SLC16A9: variants seen among roughly 807,000 people sequenced by gnomAD.
The protein encoded by SLC16A9 is monocarboxylate transporter 9.
In SLC16A9, 26 loss-of-function variants were observed where a neutral mutation model predicts 44.3. The observed-to-expected ratio is 0.59, with a 90% confidence interval of 0.43 to 0.81. The LOEUF (loss-of-function observed/expected upper bound fraction) is 0.81, where lower values mean the gene tolerates loss of function less well. Among genes scored for constraint, SLC16A9 ranks in the 40% least tolerant of loss-of-function variants. The pLI is 0.00. For missense variants in SLC16A9, 559 were observed against 595.8 expected (o/e 0.94, Z 0.64); for synonymous variants, 230 against 225.1 (o/e 1.02, Z -0.19).
chr10:59,690,717 A>G (rs766320291), intron 1 of SLC16A9, among the ~76,000 whole-genome samples: 20 of 152,116 alleles, frequency 1.3e-4, no homozygotes, highest in Non-Finnish European at 2.8e-4. Context: ...TGTGTTTATA[A>G]CCACAAGAAA....
intron 1 of SLC16A9, 144 bp from the exon 2 acceptor site, chr10:59,684,471 T>A: frequency 2.2e-6 from 1 of 462,216 alleles, no homozygotes; most frequent in Non-Finnish European, 3.8e-6. Flanking sequence ...ATCACTGACA[T>A]AGCAAGTTAA....
chr10:59,696,721 G>C (rs1418561233), intron 1 of SLC16A9, among the ~76,000 whole-genome samples: 1 of 151,098 alleles, frequency 6.6e-6, no homozygotes, highest in South Asian at 2.1e-4. Context: ...CTGCCGCCCC[G>C]TCTGGGATGT....
intron 1 of SLC16A9, among the ~76,000 whole-genome samples, chr10:59,705,721 T>C (rs1840623005): frequency 6.6e-6 from 1 of 152,200 alleles, no homozygotes; most frequent in South Asian, 2.1e-4. Flanking sequence ...ATTATTCTTT[T>C]ACTGATTGAA....
chr10:59,674,639 T>G (rs1164498046), intron 2 of SLC16A9, among the ~76,000 whole-genome samples: 1 of 152,218 alleles, frequency 6.6e-6, no homozygotes, highest in Non-Finnish European at 1.5e-5. Context: ...ATTTTACAAA[T>G]GAATGTCTGA....
At chr10:59,671,014 G>A (rs999818547) in intron 3 of SLC16A9, among the ~76,000 whole-genome samples, 2 of 152,074 alleles carry the variant, frequency 1.3e-5, no homozygotes, top group Non-Finnish European at 2.9e-5. Context: ...TTGTTATCTT[G>A]CTTGACATCA....
At chr10:59,706,770 C>G (rs534689709) in intron 1 of SLC16A9, among the ~76,000 whole-genome samples, 1 of 151,750 alleles carries the variant, frequency 6.6e-6, no homozygotes, top group Non-Finnish European at 1.5e-5. Context: ...GTCAGAAGTT[C>G]GAGACCAGCC....
At position 59,678,546 on chromosome 10, in the gene SLC16A9, C is replaced by CTTTTTTTTTTTTTTTTTTTTTTTT. The variant is rs751112027; in HGVS notation, c.196+5549_196+5550insAAAAAAAAAAAAAAAAAAAAAAAA. ...ATCTTTTTTTTTTCTTTTTCTTTTTCTTTTTTTTGAGACGGAGTCTCGCTC... is the reference window on the plus strand; with the variant it reads ...ATCTTTTTTTTTTCTTTTTCTTTTTCTTTTTTTTTTTTTTTTTTTTTTTTTTTTTTTTGAGACGGAGTCTCGCTC... On this transcript the variant is annotated intron_variant, in intron 2 of 5. Transcript: ENST00000395348. 5.6e-4 allele frequency among the ~76,000 whole-genome samples: 17 copies of CTTTTTTTTTTTTTTTTTTTTTTTT among 30,618 alleles called. 7 individuals carry two copies. Among genetic ancestry groups the CTTTTTTTTTTTTTTTTTTTTTTTT allele is most frequent in the Non-Finnish European group, 9.2e-4 (13 of 14,176 alleles). The allele number at this position is 30,618 out of a possible 152,430, so 20.1% of individuals were successfully genotyped here. A position where few individuals can be genotyped will look rare whatever the true frequency, so the allele number is the denominator to read the frequency against.
chr10:59,680,087 G>A (rs965209087), intron 2 of SLC16A9, among the ~76,000 whole-genome samples: 1 of 152,090 alleles, frequency 6.6e-6, no homozygotes, highest in African/African-American at 2.4e-5. Flanking sequence ...GAGACCCTAG[G>A]AATATATGTA....
intron 3 of SLC16A9, among the ~76,000 whole-genome samples, chr10:59,665,062 G>T (rs978049665): frequency 4.9e-5 from 7 of 143,514 alleles, no homozygotes; most frequent in African/African-American, 2.1e-4. Context: ...ACAAAAAAAA[G>T]TTACAACTAA....
At chr10:59,653,602 T>C (rs191965452) in intron 5 of SLC16A9, 73 bp downstream of exon 5, 533 of 1,296,280 alleles carry the variant, frequency 4.1e-4, no homozygotes, top group Non-Finnish European at 5.4e-4. Context: ...ACTATTACAA[T>C]CTGGACCTCT....
At chr10:59,697,005 C>A (rs1201601129) in intron 1 of SLC16A9, among the ~76,000 whole-genome samples, 1 of 105,544 alleles carries the variant, frequency 9.5e-6, no homozygotes, top group African/African-American at 3.2e-5. Context: ...CCCGCCCGGC[C>A]AGCCGCCCCG....
At chr10:59,681,839 G>GTATATGTAT (rs376562621) in intron 2 of SLC16A9, among the ~76,000 whole-genome samples, 1 of 25,916 alleles carries the variant, frequency 3.9e-5, no homozygotes, top group Non-Finnish European at 7.3e-5. Context: ...ATATGTATAT[G>GTATATGTAT]ATGTATATGT....
At chr10:59,702,222 T>C (rs762564143) in intron 1 of SLC16A9, among the ~76,000 whole-genome samples, 3 of 152,220 alleles carry the variant, frequency 2.0e-5, no homozygotes, top group Non-Finnish European at 4.4e-5. Flanking sequence ...TCTCTGGAGC[T>C]TAGAGTCTGT....
At chr10:59,683,230 A>T (rs530120150) in intron 2 of SLC16A9, among the ~76,000 whole-genome samples, 1 of 152,334 alleles carries the variant, frequency 6.6e-6, no homozygotes, top group East Asian at 1.9e-4. Context: ...CCCTATCTAG[A>T]TCACCATCTG....
intron 2 of SLC16A9, among the ~76,000 whole-genome samples, chr10:59,680,212 GTATTT>G (rs2132476515): frequency 6.6e-6 from 1 of 152,264 alleles, no homozygotes; most frequent in Non-Finnish European, 1.5e-5. Flanking sequence ...AGGGGAAGAA[GTATTT>G]TCTTCTCAAT....
intron 3 of SLC16A9, among the ~76,000 whole-genome samples, chr10:59,666,125 A>G (rs1396970560): frequency 2.6e-5 from 4 of 152,072 alleles, no homozygotes; most frequent in Non-Finnish European, 5.9e-5. Flanking sequence ...GCGAAACCTC[A>G]TCTCTACTAA....
intron 2 of SLC16A9, among the ~76,000 whole-genome samples, chr10:59,676,634 A>G (rs1839863155): frequency 6.6e-6 from 1 of 152,166 alleles, no homozygotes; most frequent in Admixed American, 6.5e-5. Flanking sequence ...TTAAAAATAT[A>G]ATAACTGGCC....
chr10:59,659,290 A>C (rs1839419583), intron 4 of SLC16A9, among the ~76,000 whole-genome samples: 1 of 152,158 alleles, frequency 6.6e-6, no homozygotes, highest in African/African-American at 2.4e-5. Context: ...AAAAATTGTA[A>C]GTTCCACACT....
At chr10:59,702,230 T>G (rs1162103840) in intron 1 of SLC16A9, among the ~76,000 whole-genome samples, 2 of 152,246 alleles carry the variant, frequency 1.3e-5, no homozygotes, top group Non-Finnish European at 2.9e-5. Context: ...GCTTAGAGTC[T>G]GTCTCCACCA....
Sources: gnomAD v4.1 joint callset for allele counts (sites outside exome capture counted in the v4.1 genomes callset) on GRCh38, gnomAD v4.1.1 for gene constraint, MANE v1.5 for transcripts, NCBI Gene and HGNC (gene_info 2026-07-23, HGNC 2026-07-21) for gene names.